SLCO2A1: variants seen among roughly 807,000 people sequenced by gnomAD.
SLCO2A1 encodes matrin F/G 1.
SLCO2A1 carries 60 observed loss-of-function variants against 71.7 expected under a neutral mutation model. The ratio of observed to expected loss-of-function variants is 0.84; its 90% confidence interval spans 0.68 to 1.04. The LOEUF is 1.04. Ranked by LOEUF, SLCO2A1 falls within the 50% of genes least tolerant of loss-of-function variation. SLCO2A1 has a pLI of 0.00. For missense variants in SLCO2A1, 745 were observed against 813.4 expected, an observed-to-expected ratio of 0.92 and a Z score of 1.02; for synonymous variants, 308 against 326.7, an observed-to-expected ratio of 0.94 and a Z score of 0.62.
At chr3:133,965,759 C>T (rs1459089825) in intron 3 of SLCO2A1, among the ~76,000 whole-genome samples, 1 of 91,088 alleles carries the variant, frequency 1.1e-5, no homozygotes, top group East Asian at 2.7e-4. Context: ...ACCCTGACAG[C>T]ACCGCACTGG....
chr3:134,026,361 T>C (rs1935701253), intron 1 of SLCO2A1, among the ~76,000 whole-genome samples: 1 of 150,412 alleles, frequency 6.6e-6, no homozygotes, highest in African/African-American at 2.4e-5. Context: ...ACTAGATACG[T>C]AGGCATAGAG....
intron 2 of SLCO2A1, among the ~76,000 whole-genome samples, chr3:133,974,220 T>G (rs1032278727): frequency 6.6e-6 from 1 of 152,232 alleles, no homozygotes; most frequent in Admixed American, 6.5e-5. Flanking sequence ...CTTGAGAGTT[T>G]GTACCTAAAG....
intron 1 of SLCO2A1, among the ~76,000 whole-genome samples, chr3:134,009,964 A>G (rs937225983): frequency 1.3e-5 from 2 of 152,182 alleles, no homozygotes; most frequent in African/African-American, 4.8e-5. Context: ...AATGTGGGCA[A>G]TGCATACCTC....
At position 133,947,434 on chromosome 3, in the gene SLCO2A1, G is replaced by A. The variant is rs1244769040; in HGVS notation, c.1117C>T (p.Leu373Phe). ...AGCATCCCCAAGGCTGCAGCAGGGAGGTTCACAGCACCTATAAGTGGAAAG... is the reference window on the plus strand; with the variant it reads ...AGCATCCCCAAGGCTGCAGCAGGGAAGTTCACAGCACCTATAAGTGGAAAG... ...YANFLIGAVN[L>F]PAAALGMLFG... Residue 373 changes from leucine (L) to phenylalanine (F), a missense_variant, in exon 9 of 14, where the codon CTC becomes TTC. Leu to Phe is a conservative substitution (Grantham distance 22, BLOSUM62 0). Coordinates refer to ENST00000310926, the MANE Select transcript of SLCO2A1 (RefSeq NM_005630.3). The A allele has an allele frequency of 6.2e-7, 1 of 1,613,048 alleles. No individual in the cohort carries two copies.
intron 11 of SLCO2A1, among the ~76,000 whole-genome samples, chr3:133,938,732 C>T (rs1933338971): frequency 2.0e-5 from 3 of 152,066 alleles, no homozygotes; most frequent in South Asian, 4.2e-4. Flanking sequence ...TTTTCAGGCC[C>T]ACCCCAGACT....
At chr3:133,964,603 A>G (rs945371563) in intron 3 of SLCO2A1, among the ~76,000 whole-genome samples, 2 of 152,214 alleles carry the variant, frequency 1.3e-5, no homozygotes, top group African/African-American at 4.8e-5. Context: ...AGAAGTTCAC[A>G]TCTGTGGAGG....
Position 133,955,083 on chromosome 3 carries a change from A to G in SLCO2A1, c.508T>C (p.Trp170Arg). ...AGCTGGGCAACCACCATCAGGCCCC[A>G]CATGCTGCTGGTCTCCTTCTGGGGG... ...QNPQKETSSM[W>R]GLMVVAQLLA... Residue 170 changes from tryptophan to arginine, a missense_variant, in exon 4 of 14, where the codon TGG (tryptophan) becomes CGG (arginine). Physicochemically the swap from Trp to Arg is moderately radical, Grantham distance 101 (BLOSUM62 -3). Transcript: ENST00000310926. 6.2e-7 allele frequency: 1 copy of G among 1,614,090 alleles called. No individual in the cohort carries two copies. Among genetic ancestry groups the G allele is most frequent in the Non-Finnish European group, 8.5e-7 (1 of 1,179,980 alleles).
chr3:133,942,670 G>A lies in SLCO2A1; in HGVS notation c.1560C>T (p.Phe520=), dbSNP rs748541502. 3 of 1,613,984 alleles carry A rather than the reference G, an allele frequency of 1.9e-6. No individual in the cohort carries two copies. Among genetic ancestry groups the A allele is most frequent in the East Asian group, 4.5e-5 (2 of 44,848 alleles). Residue 520 remains phenylalanine (F), a synonymous_variant, in exon 11 of 14, where the codon TTC becomes TTT. Transcript: ENST00000310926. ...PCAHFLLPAI[F]LISFVSLIAC... ...CTATCAGGGACACGAAGGAGATGAG[G>A]AAGATGGCCGGGAGCAGGAAGTGGG...
chr3:133,934,864 G>T, intron 13 of SLCO2A1, 34 bp from the exon 14 acceptor site: 1 of 1,549,550 alleles, frequency 6.5e-7, no homozygotes, highest in South Asian at 1.1e-5. Flanking sequence ...TGGTGAGGGA[G>T]GGGGCTCTGC....
chr3:133,973,662 C>G lies in SLCO2A1; in HGVS notation c.397+1G>C. 6.2e-7 allele frequency: 1 copy of G among 1,613,570 alleles called. No individual in the cohort carries two copies. Among genetic ancestry groups the G allele is most frequent in the South Asian group, 1.1e-5 (1 of 90,994 alleles). ...TGAGGCAGGGGTTGGAAGCCACTCACCAGTGCTGGCCAAGGTGTACTGGTA... is the reference window on the plus strand; with the variant it reads ...TGAGGCAGGGGTTGGAAGCCACTCAGCAGTGCTGGCCAAGGTGTACTGGTA... On this transcript the variant is annotated splice_donor_variant, in intron 3 of 13. Transcript: ENST00000310926. LOFTEE classifies it high-confidence loss of function.
intron 3 of SLCO2A1, among the ~76,000 whole-genome samples, chr3:133,969,834 A>G (rs1355045803): frequency 6.6e-6 from 1 of 152,194 alleles, no homozygotes; most frequent in Non-Finnish European, 1.5e-5. Context: ...TAAAGTCCAT[A>G]TGGAGTGGGG....
chr3:133,932,943 C>G lies in SLCO2A1; in HGVS notation c.*1770G>C, dbSNP rs9820787. The G allele has an allele frequency of 6.6e-6, 1 of 152,622 alleles. No homozygotes were observed. The highest frequency in any genetic ancestry group is 1.5e-5 in the Non-Finnish European group (1 of 68,048). 9.5% of individuals were successfully genotyped at this position (152,622 alleles called of 1,614,324 possible). A position where few individuals can be genotyped will look rare whatever the true frequency, so the allele number is the denominator to read the frequency against. ...CTGAGGTTACATTGAGCCTCCCTTC[C>G]TGAGTGAGATGTTTGGAAATGAGGT... On this transcript the variant is annotated 3_prime_UTR_variant, in exon 14 of 14. Transcript: ENST00000310926.
chr3:133,949,607 T>C (rs1295262746), intron 6 of SLCO2A1, among the ~76,000 whole-genome samples: 1 of 152,202 alleles, frequency 6.6e-6, no homozygotes, highest in African/African-American at 2.4e-5. Flanking sequence ...TCTGACAGCA[T>C]TAGGATCCTG....
At position 133,955,193 on chromosome 3, in the gene SLCO2A1, C is replaced by T. The variant is rs114272036; in HGVS notation, c.398G>A (p.Gly133Glu). 43 of 1,611,662 alleles carry T rather than the reference C, an allele frequency of 2.7e-5. No homozygotes were observed. The highest frequency in any genetic ancestry group is 3.6e-5 in the Non-Finnish European group (42 of 1,178,934). The change falls in exon 4 of 14, where the codon GGG (glycine) becomes GAG (glutamate). Residue 133 changes from glycine to glutamate, a missense_variant and splice_region_variant. Gly to Glu is a moderately conservative substitution (Grantham distance 98). Transcript: ENST00000310926. Reference protein sequence around the residue: ...EPYQYTLASTGNNSRLQAELC... With the variant: ...EPYQYTLASTENNSRLQAELC... ...CTCGGCCTGCAAGCGGCTGTTGTTC[C>T]CTGCAACGAGAGTGCTTGCTGGTCT...
chr3:133,966,178 A>T (rs6793961), intron 3 of SLCO2A1, among the ~76,000 whole-genome samples: 1 of 152,228 alleles, frequency 6.6e-6, no homozygotes. Flanking sequence ...ATGGGGACAC[A>T]GCCACGCCCA....
At chr3:133,947,603 T>C (rs1454969087) in intron 8 of SLCO2A1, among the ~76,000 whole-genome samples, 158 bp from the exon 9 acceptor site, 1 of 152,188 alleles carries the variant, frequency 6.6e-6, no homozygotes. Flanking sequence ...AATTGAGCAT[T>C]TACTGCTTGC....
chr3:133,976,734 T>G (rs913800863), intron 2 of SLCO2A1, among the ~76,000 whole-genome samples: 26 of 152,168 alleles, frequency 1.7e-4, no homozygotes, highest in Non-Finnish European at 3.5e-4. Context: ...CATCATGACA[T>G]GCCCCTGCCC....
At chr3:133,986,455 T>G (rs956378321) in intron 1 of SLCO2A1, among the ~76,000 whole-genome samples, 1 of 152,164 alleles carries the variant, frequency 6.6e-6, no homozygotes, top group Non-Finnish European at 1.5e-5. Context: ...AGACACATCT[T>G]ATAGAAGGAA....
At chr3:133,945,040 T>G in intron 10 of SLCO2A1, 55 bp downstream of exon 10, 1 of 1,562,042 alleles carries the variant, frequency 6.4e-7, no homozygotes, top group Admixed American at 1.9e-5. Context: ...GGGCATGCGC[T>G]GAGCTCCGAG....
Sources: allele counts gnomAD v4.1 joint callset (sites outside exome capture counted in the v4.1 genomes callset), GRCh38; gene constraint gnomAD v4.1.1; transcripts MANE v1.5; gene names NCBI Gene and HGNC (gene_info 2026-07-23, HGNC 2026-07-21).